Variants in DDX31 observed in about 807,000 individuals in gnomAD.
DDX31 encodes the protein DEAD-box helicase 31.
Under a neutral mutation model 91.3 loss-of-function variants are expected in DDX31, and 70 were observed. That is an observed-to-expected ratio of 0.77 (90% confidence interval 0.63 to 0.94). DDX31 has a LOEUF of 0.94. DDX31 is among the 40% of genes least tolerant of loss of function. The pLI, the probability that DDX31 is intolerant of heterozygous loss-of-function variation, is 0.00. For synonymous variants in DDX31, 362 were observed against 350.6 expected (o/e 1.03, Z -0.36); for missense variants, 902 against 925.0 (o/e 0.98, Z 0.32).
At chr9:132,607,370 T>C (rs1440842072) in intron 19 of DDX31, among the ~76,000 whole-genome samples, 2 of 152,230 alleles carry the variant, frequency 1.3e-5, no homozygotes, top group African/African-American at 4.8e-5. Flanking sequence ...AAATAAAACT[T>C]TTCTTTCCAA....
At chr9:132,669,295 T>C (rs1270219188) in intron 1 of DDX31, among the ~76,000 whole-genome samples, 1 of 114,452 alleles carries the variant, frequency 8.7e-6, no homozygotes, top group East Asian at 3.0e-4. Context: ...CATTTCAAAA[T>C]GTGGCAAAGA....
At chr9:132,617,732 G>A (rs1233837359) in intron 18 of DDX31, among the ~76,000 whole-genome samples, 1 of 151,816 alleles carries the variant, frequency 6.6e-6, no homozygotes. Flanking sequence ...GCCATACACT[G>A]CTTATTACTC....
intron 13 of DDX31, among the ~76,000 whole-genome samples, 182 bp from the exon 14 acceptor site, chr9:132,642,245 G>A (rs1833551082): frequency 6.6e-6 from 1 of 152,170 alleles, no homozygotes; most frequent in South Asian, 2.1e-4. Flanking sequence ...TGTACTTACA[G>A]GACCGGACTT....
At chr9:132,616,010 T>A in intron 18 of DDX31, among the ~76,000 whole-genome samples, 1 of 152,250 alleles carries the variant, frequency 6.6e-6, no homozygotes, top group Admixed American at 6.5e-5. Flanking sequence ...GGAATTTGCA[T>A]ATGCAGATTG....
chr9:132,630,625 C>T (rs946409773), intron 15 of DDX31, among the ~76,000 whole-genome samples: 1 of 152,310 alleles, frequency 6.6e-6, no homozygotes, highest in South Asian at 2.1e-4. Context: ...GCCAAGTTTC[C>T]GATAAACGAG....
At chr9:132,652,248 A>G (rs137944252) in intron 7 of DDX31, among the ~76,000 whole-genome samples, 200 bp downstream of exon 7, 193 of 152,330 alleles carry the variant, frequency 1.3e-3, no homozygotes, top group Admixed American at 2.2e-3. Flanking sequence ...ATAGGAAAAT[A>G]CTTTTCCATA....
intron 15 of DDX31, 37 bp downstream of exon 15, chr9:132,632,004 C>A: frequency 6.3e-7 from 1 of 1,584,912 alleles, no homozygotes; most frequent in South Asian, 1.1e-5. Flanking sequence ...TCATATATTC[C>A]TGCCTAAAGC....
At chr9:132,611,339 C>A (rs939975872) in intron 19 of DDX31, among the ~76,000 whole-genome samples, 5 of 152,178 alleles carry the variant, frequency 3.3e-5, no homozygotes, top group African/African-American at 9.7e-5. Context: ...AAAGTTCTGA[C>A]ATGAGTGGCT....
chr9:132,630,437 G>A, intron 15 of DDX31, 34 bp from the exon 16 acceptor site: 1 of 1,557,466 alleles, frequency 6.4e-7, no homozygotes, highest in Non-Finnish European at 8.8e-7. Context: ...GGCATTCATA[G>A]ATCAAGGGAC....
At chr9:132,661,501 G>C (rs111891489) in intron 3 of DDX31, among the ~76,000 whole-genome samples, 8 of 152,186 alleles carry the variant, frequency 5.3e-5, no homozygotes, top group African/African-American at 1.9e-4. Context: ...GGCATCTAGT[G>C]GGTAGAGGCC....
chr9:132,640,133 G>A (rs751952302), intron 14 of DDX31, among the ~76,000 whole-genome samples: 7 of 152,198 alleles, frequency 4.6e-5, no homozygotes, highest in South Asian at 2.1e-4. Flanking sequence ...GCTTACGACC[G>A]GCTGGGAAGG....
intron 4 of DDX31, among the ~76,000 whole-genome samples, chr9:132,660,034 C>T (rs974020797): frequency 6.6e-6 from 1 of 152,104 alleles, no homozygotes; most frequent in Non-Finnish European, 1.5e-5. Flanking sequence ...TAAACTAATT[C>T]TTTTAAAAAT....
chr9:132,620,758 C>T (rs1375060188), intron 17 of DDX31, among the ~76,000 whole-genome samples: 1 of 152,124 alleles, frequency 6.6e-6, no homozygotes, highest in East Asian at 1.9e-4. Flanking sequence ...ATCTCAGCCC[C>T]CGACAGGTAA....
chr9:132,668,438 A>G (rs1321079841), intron 1 of DDX31, among the ~76,000 whole-genome samples: 1 of 152,150 alleles, frequency 6.6e-6, no homozygotes, highest in Non-Finnish European at 1.5e-5. Flanking sequence ...AACCTTCCTC[A>G]TGGCGACCAA....
chr9:132,624,228 T>C (rs1020583970), intron 17 of DDX31, among the ~76,000 whole-genome samples: 5 of 146,544 alleles, frequency 3.4e-5, no homozygotes, highest in African/African-American at 1.3e-4. Flanking sequence ...CTAGAATTTA[T>C]GATAGTTCCA....
At position 132,630,705 on chromosome 9, in the gene DDX31, AT is replaced by A. The variant is rs142298102; in HGVS notation, c.1492-303del. On this transcript the variant is annotated intron_variant, in intron 15 of 19. Transcript: ENST00000372159. ...CAGGTCTCTTCATTTTCTTATTTGC[AT>A]CTTTTCACTGTGGTGACTGGATGAG... Among the ~76,000 whole-genome samples, 1,036 of 152,312 alleles carry A rather than the reference AT, an allele frequency of 6.8e-3. 12 individuals are homozygous for A. The highest frequency in any genetic ancestry group is 0.024 in the African/African-American group (999 of 41,568).
chr9:132,641,917 C>G (rs3739907), intron 14 of DDX31, 87 bp downstream of exon 14: 150,613 of 1,422,766 alleles, frequency 0.11, 8,832 homozygotes, highest in Admixed American at 0.2. Context: ...TAGGACTGAC[C>G]ACAGGACAAA....
At chr9:132,604,101 C>T (rs754528094) in intron 19 of DDX31, among the ~76,000 whole-genome samples, 2 of 152,188 alleles carry the variant, frequency 1.3e-5, no homozygotes, top group Non-Finnish European at 2.9e-5. Flanking sequence ...ACTGGTTTTG[C>T]ATGGGGTGTG....
In DDX31 at chr9:132,662,311, T is replaced by C. The variant is rs747734278; in HGVS notation, c.358A>G (p.Lys120Glu). 6 of 1,614,236 alleles carry C rather than the reference T, an allele frequency of 3.7e-6. No individual in the cohort carries two copies. The highest frequency in any genetic ancestry group is 2.5e-6 in the Non-Finnish European group (3 of 1,180,048). ...HRPVVKQVQEKVFTSAAFHEL... is the reference protein window; with the variant it reads ...HRPVVKQVQEEVFTSAAFHEL... Reference sequence around the variant, plus strand: ...TGAAAAGCAGCTGAAGTAAACACTTTTTCTTGCACCTGCTTTACCACAGGT... The same window carrying C: ...TGAAAAGCAGCTGAAGTAAACACTTCTTCTTGCACCTGCTTTACCACAGGT... Residue 120 changes from lysine (K) to glutamate (E), a missense_variant, in exon 3 of 20, where the codon AAA becomes GAA. Lys to Glu is a moderately conservative substitution (Grantham distance 56). Transcript: ENST00000372159.
Sources: gnomAD v4.1 joint callset for allele counts (sites outside exome capture counted in the v4.1 genomes callset) on GRCh38, gnomAD v4.1.1 for gene constraint, MANE v1.5 for transcripts, NCBI Gene and HGNC (gene_info 2026-07-23, HGNC 2026-07-21) for gene names.